The following RFX3 variants were observed in gnomAD, a reference collection of about 807,000 sequenced individuals.
The protein encoded by RFX3 is transcription factor RFX3.
Under a neutral mutation model 98.6 loss-of-function variants are expected in RFX3, and 14 were observed. That is an observed-to-expected ratio of 0.14 (90% CI 0.09 to 0.22). The LOEUF is 0.22. RFX3 is among the 10% of genes least tolerant of loss of function. The pLI is 1.00. For synonymous variants in RFX3, 383 were observed against 328.4 expected, an observed-to-expected ratio of 1.17 and a Z score of -1.80; for missense variants, 639 against 926.9, an observed-to-expected ratio of 0.69 and a Z score of 4.03.
At position 3,239,401 on chromosome 9, in the gene RFX3, G is replaced by A. The variant is rs576500059; in HGVS notation, c.1968+8631C>T. Reference sequence around the variant, plus strand: ...AGATCTCTGGCAGTTTGCTCCACACGTGGGCAAATCCTGCCCGCAGTGGCT... The same window carrying A: ...AGATCTCTGGCAGTTTGCTCCACACATGGGCAAATCCTGCCCGCAGTGGCT... On this transcript the variant is annotated intron_variant, in intron 15 of 16. Transcript: ENST00000617270. 4.6e-5 allele frequency among the ~76,000 whole-genome samples: 7 copies of A among 152,318 alleles called. 1 individual carries two copies. Among genetic ancestry groups the A allele is most frequent in the African/African-American group, 1.2e-4 (5 of 41,566 alleles).
intron 13 of RFX3, among the ~76,000 whole-genome samples, chr9:3,262,502 T>G (rs1224539989): frequency 6.6e-6 from 1 of 152,180 alleles, no homozygotes; most frequent in African/African-American, 2.4e-5. Flanking sequence ...TAGAAATATC[T>G]CTGCATGTCA....
At chr9:3,456,937 A>G (rs960707807) in intron 1 of RFX3, among the ~76,000 whole-genome samples, 10 of 151,950 alleles carry the variant, frequency 6.6e-5, no homozygotes, top group African/African-American at 2.2e-4. Flanking sequence ...TCATGAGGTC[A>G]AGAGATCGAG....
intron 2 of RFX3, among the ~76,000 whole-genome samples, chr9:3,360,451 T>G (rs77593090): frequency 0.024 from 3,700 of 152,192 alleles, 163 homozygotes; most frequent in African/African-American, 0.085. Flanking sequence ...CACATCAGTA[T>G]GTTGGCAGCA....
chr9:3,505,913 TTGAA>T, intron 1 of RFX3, among the ~76,000 whole-genome samples: 1 of 151,962 alleles, frequency 6.6e-6, no homozygotes, highest in East Asian at 1.9e-4. Flanking sequence ...GCAGAGGCCC[TTGAA>T]GAATGATCAG....
chr9:3,398,914 TA>T (rs71324247), intron 1 of RFX3, among the ~76,000 whole-genome samples: 6,213 of 67,500 alleles, frequency 0.092, 119 homozygotes, highest in African/African-American at 0.11. Flanking sequence ...TAGAGTATAA[TA>T]AAAAAAAAAA....
chr9:3,393,058 C>G (rs907003118), intron 2 of RFX3, among the ~76,000 whole-genome samples: 1 of 12,348 alleles, frequency 8.1e-5, no homozygotes, highest in Non-Finnish European at 2.2e-4. Context: ...GGTGGGTGGG[C>G]GGGTGGGTGG....
At chr9:3,339,217 G>C (rs1833572774) in intron 3 of RFX3, among the ~76,000 whole-genome samples, 1 of 151,898 alleles carries the variant, frequency 6.6e-6, no homozygotes, top group South Asian at 2.1e-4. Context: ...AATTTCCAGT[G>C]CTATAATGGT....
intron 1 of RFX3, among the ~76,000 whole-genome samples, chr9:3,496,022 G>C (rs1171091096): frequency 6.6e-6 from 1 of 151,930 alleles, no homozygotes; most frequent in East Asian, 1.9e-4. Context: ...AAACTTTTAT[G>C]TGACTCCACT....
chr9:3,436,269 G>A (rs148317085), intron 1 of RFX3, among the ~76,000 whole-genome samples: 721 of 152,004 alleles, frequency 4.7e-3, no homozygotes, highest in Non-Finnish European at 8.7e-3. Context: ...TTTCAGATAG[G>A]CTGAAATGGG....
At chr9:3,416,815 G>C (rs1843023832) in intron 1 of RFX3, among the ~76,000 whole-genome samples, 1 of 151,694 alleles carries the variant, frequency 6.6e-6, no homozygotes, top group African/African-American at 2.4e-5. Context: ...CAAGAAAACA[G>C]GAAAAAGGAA....
At chr9:3,476,075 T>C (rs1849223231) in intron 1 of RFX3, among the ~76,000 whole-genome samples, 1 of 152,252 alleles carries the variant, frequency 6.6e-6, no homozygotes, top group African/African-American at 2.4e-5. Context: ...TATCTCTGTA[T>C]GGCCTAGTTT....
chr9:3,262,202 C>A (rs1030853965), intron 13 of RFX3, among the ~76,000 whole-genome samples: 1 of 151,936 alleles, frequency 6.6e-6, no homozygotes, highest in Non-Finnish European at 1.5e-5. Context: ...GTGGGCAATG[C>A]TATTGTTTTT....
At chr9:3,410,753 A>T (rs1456277250) in intron 1 of RFX3, among the ~76,000 whole-genome samples, 1 of 152,198 alleles carries the variant, frequency 6.6e-6, no homozygotes, top group Non-Finnish European at 1.5e-5. Context: ...TTTTCCAATT[A>T]CCTCTTTACA....
At chr9:3,479,693 T>A (rs1169817129) in intron 1 of RFX3, among the ~76,000 whole-genome samples, 1 of 152,326 alleles carries the variant, frequency 6.6e-6, no homozygotes, top group African/African-American at 2.4e-5. Context: ...GAAAGCCTAG[T>A]CCATCTTGTC....
At chr9:3,508,573 A>C (rs991267052) in intron 1 of RFX3, among the ~76,000 whole-genome samples, 6 of 151,988 alleles carry the variant, frequency 3.9e-5, no homozygotes, top group Admixed American at 2.0e-4. Flanking sequence ...AAAATGCAAG[A>C]GCTAACTAAT....
intron 3 of RFX3, among the ~76,000 whole-genome samples, chr9:3,334,615 A>G (rs543927037): frequency 6.6e-6 from 1 of 152,078 alleles, no homozygotes; most frequent in South Asian, 2.1e-4. Flanking sequence ...TATCCCCATC[A>G]CTCCATCGTG....
At chr9:3,441,511 G>C (rs1194209537) in intron 1 of RFX3, among the ~76,000 whole-genome samples, 1 of 152,044 alleles carries the variant, frequency 6.6e-6, no homozygotes, top group Non-Finnish European at 1.5e-5. Context: ...TGGCGCTGGG[G>C]CATAGAAAAT....
intron 2 of RFX3, among the ~76,000 whole-genome samples, chr9:3,370,445 T>A (rs1837712091): frequency 6.6e-6 from 1 of 151,720 alleles, no homozygotes; most frequent in African/African-American, 2.4e-5. Context: ...TCCTTTCAAA[T>A]CTTCTATGAA....
chr9:3,420,470 C>T (rs1230104749), intron 1 of RFX3, among the ~76,000 whole-genome samples: 1 of 152,158 alleles, frequency 6.6e-6, no homozygotes, highest in African/African-American at 2.4e-5. Context: ...ATTTGAACCC[C>T]ACAACAGCCC....
Sources: allele counts gnomAD v4.1 joint callset (sites outside exome capture counted in the v4.1 genomes callset), GRCh38; gene constraint gnomAD v4.1.1; transcripts MANE v1.5; gene names NCBI Gene and HGNC (gene_info 2026-07-23, HGNC 2026-07-21).